DMD: variants seen among roughly 807,000 people sequenced by gnomAD.
DMD encodes the protein dystrophin.
In DMD, 63 loss-of-function variants were observed where a neutral mutation model predicts 330.1. The observed-to-expected ratio is 0.19, with a 90% confidence interval of 0.16 to 0.24. The LOEUF (loss-of-function observed/expected upper bound fraction) is 0.24, where lower values mean the gene tolerates loss of function less well. Among genes scored for constraint, DMD ranks in the 10% least tolerant of loss-of-function variants. The pLI, the probability that DMD is intolerant of heterozygous loss-of-function variation, is 1.00. For synonymous variants in DMD, 1,223 were observed against 959.8 expected (o/e 1.27, Z -5.07); for missense variants, 3,344 against 2,684.1 (o/e 1.25, Z -5.43).
chrX:33,081,085 G>A (rs1016197973), intron 1 of DMD, among the ~76,000 whole-genome samples: 6 of 109,334 alleles, frequency 5.5e-5, no homozygotes, highest in Middle Eastern at 4.8e-3. Context: ...TCAGATTACT[G>A]GCTTCAGGGT....
chrX:33,062,713 G>T (rs1164241961), intron 1 of DMD, among the ~76,000 whole-genome samples: 1 of 112,409 alleles, frequency 8.9e-6, no homozygotes, highest in Non-Finnish European at 1.9e-5. Flanking sequence ...CTGGCCTCCG[G>T]TGATCCACCC....
chrX:33,162,256 G>C (rs1004504168), intron 1 of DMD, among the ~76,000 whole-genome samples: 1 of 112,116 alleles, frequency 8.9e-6, no homozygotes, highest in African/African-American at 3.2e-5. Context: ...AAATTTTCAA[G>C]TGCCATTAAA....
At chrX:32,166,235 G>A (rs1008377474) in intron 44 of DMD, among the ~76,000 whole-genome samples, 31 of 110,709 alleles carry the variant, frequency 2.8e-4, no homozygotes, top group African/African-American at 9.9e-4. Flanking sequence ...TGGGTGGACT[G>A]CTTGAGCCCC....
chrX:32,348,255 A>C, intron 38 of DMD, 151 bp downstream of exon 38: 1 of 571,902 alleles, frequency 1.7e-6, no homozygotes, highest in Non-Finnish European at 2.8e-6. Flanking sequence ...TTGTAATAAA[A>C]GGCCAAGAAT....
intron 43 of DMD, among the ~76,000 whole-genome samples, chrX:32,244,430 T>C (rs1368791407): frequency 1.4e-4 from 11 of 80,059 alleles, no homozygotes; most frequent in African/African-American, 5.3e-4. Flanking sequence ...TACGTGTGCA[T>C]GTGTCTTTAT....
intron 62 of DMD, among the ~76,000 whole-genome samples, chrX:31,308,023 C>T (rs1314147777): frequency 3.6e-5 from 4 of 111,292 alleles, no homozygotes; most frequent in African/African-American, 1.3e-4. Flanking sequence ...CTAGATCCCT[C>T]GCATACATAG....
intron 51 of DMD, among the ~76,000 whole-genome samples, chrX:31,757,982 C>T (rs2089264041): frequency 9.1e-6 from 1 of 110,154 alleles, no homozygotes; most frequent in South Asian, 3.9e-4. Context: ...CAGCTGAGGC[C>T]CTTACTAAGA....
At chrX:31,820,963 A>T (rs1305434204) in intron 49 of DMD, among the ~76,000 whole-genome samples, 2 of 112,627 alleles carry the variant, frequency 1.8e-5, no homozygotes, top group Non-Finnish European at 3.7e-5. Flanking sequence ...GCCTGGCAAT[A>T]TAACAGTAGG....
chrX:32,328,614 A>G (rs1042853864), intron 41 of DMD, among the ~76,000 whole-genome samples: 1 of 110,267 alleles, frequency 9.1e-6, no homozygotes, highest in Non-Finnish European at 1.9e-5. Flanking sequence ...CAGGAATGGT[A>G]TTCCTTCATG....
chrX:33,011,583 T>C (rs1460030530), intron 2 of DMD, among the ~76,000 whole-genome samples: 2 of 112,556 alleles, frequency 1.8e-5, no homozygotes, highest in African/African-American at 6.4e-5. Flanking sequence ...GTTGATGCAA[T>C]TGTTTCCTTT....
At chrX:32,730,533 A>C (rs2067453793) in intron 7 of DMD, among the ~76,000 whole-genome samples, 1 of 111,975 alleles carries the variant, frequency 8.9e-6, no homozygotes, top group African/African-American at 3.2e-5. Context: ...CTTCCTAGGC[A>C]ATAGGAATGA....
intron 62 of DMD, among the ~76,000 whole-genome samples, chrX:31,294,077 T>C (rs998981603): frequency 8.9e-6 from 1 of 112,283 alleles, no homozygotes; most frequent in African/African-American, 3.2e-5. Context: ...ATAGATGACC[T>C]GAGGATGAAA....
intron 50 of DMD, among the ~76,000 whole-genome samples, chrX:31,815,145 A>T (rs766352293): frequency 1.8e-5 from 2 of 112,147 alleles, no homozygotes; most frequent in African/African-American, 6.5e-5. Flanking sequence ...ATAACCTAGG[A>T]ACTTTTCAGA....
intron 1 of DMD, among the ~76,000 whole-genome samples, chrX:33,338,037 T>C (rs1481584512): frequency 1.8e-5 from 2 of 112,352 alleles, no homozygotes. Flanking sequence ...CTGTATTACA[T>C]AGACAGTTAA....
At chrX:32,589,990 T>G (rs1017808109) in intron 13 of DMD, among the ~76,000 whole-genome samples, 1 of 111,846 alleles carries the variant, frequency 8.9e-6, no homozygotes, top group South Asian at 3.7e-4. Flanking sequence ...CAATAAACAG[T>G]ATCACGCAGA....
intron 7 of DMD, among the ~76,000 whole-genome samples, chrX:32,704,256 TCA>T (rs1259285469): frequency 9.6e-6 from 1 of 103,754 alleles, no homozygotes; most frequent in Admixed American, 1.0e-4. Flanking sequence ...CCTCATTCTC[TCA>T]GATACTATCT....
intron 62 of DMD, among the ~76,000 whole-genome samples, chrX:31,263,092 G>A (rs2050687282): frequency 8.9e-6 from 1 of 112,532 alleles, no homozygotes; most frequent in Non-Finnish European, 1.9e-5. Context: ...TAGTCACACT[G>A]TGTAACAACA....
At position 33,231,153 on chromosome X, in the gene DMD, G is replaced by A. The variant is rs939540652; in HGVS notation, c.7+108106C>T. On this transcript the variant is annotated intron_variant, in intron 1 of 17. Coordinates refer to the DMD transcript ENST00000288447. The stretch of plus-strand genomic sequence containing the variant: ...CAGAACTCAAGGGTGACGTGCATAT[G>A]TGCGTGGAGTGACTTACACATACAT... Among the ~76,000 whole-genome samples, 3 of 111,419 alleles carry A rather than the reference G, an allele frequency of 2.7e-5. No individual in the cohort carries two copies. In the East Asian group the frequency reaches 8.5e-4, roughly 32 times the overall value.
chrX:32,213,981 A>C (rs907114164), intron 44 of DMD, among the ~76,000 whole-genome samples: 75 of 111,024 alleles, frequency 6.8e-4, no homozygotes, highest in African/African-American at 2.4e-3. Context: ...AAAAAAAAAA[A>C]GTATCCAATT....
Sources: allele counts gnomAD v4.1 joint callset (sites outside exome capture counted in the v4.1 genomes callset), GRCh38; gene constraint gnomAD v4.1.1; transcripts MANE v1.5; gene names NCBI Gene and HGNC (gene_info 2026-07-23, HGNC 2026-07-21).